Variants in HS3ST4 observed in about 807,000 individuals in gnomAD.
HS3ST4 encodes the protein heparan sulfate glucosamine 3-O-sulfotransferase 4.
In HS3ST4, 17 loss-of-function variants were observed where a neutral mutation model predicts 29.2. That is an observed-to-expected ratio of 0.58 (90% CI 0.40 to 0.87). The LOEUF is 0.87. Ranked by LOEUF, HS3ST4 falls within the 40% of genes least tolerant of loss-of-function variation. HS3ST4 has a pLI of 0.00. For synonymous variants in HS3ST4, 314 were observed against 285.7 expected, an observed-to-expected ratio of 1.10 and a Z score of -1.00; for missense variants, 627 against 634.5, an observed-to-expected ratio of 0.99 and a Z score of 0.13.
intron 1 of HS3ST4, among the ~76,000 whole-genome samples, chr16:26,067,551 T>G (rs1898556794): frequency 6.7e-6 from 1 of 150,198 alleles, no homozygotes; most frequent in South Asian, 2.2e-4. Flanking sequence ...CTGTTTTCTC[T>G]TTTGTAACTT....
chr16:25,842,591 T>C (rs1346691638), intron 1 of HS3ST4, among the ~76,000 whole-genome samples: 1 of 152,166 alleles, frequency 6.6e-6, no homozygotes, highest in Non-Finnish European at 1.5e-5. Flanking sequence ...AACCCTGAAA[T>C]CTTTCTTTGT....
chr16:25,707,703 T>C (rs1010536245), intron 1 of HS3ST4, among the ~76,000 whole-genome samples: 11 of 152,226 alleles, frequency 7.2e-5, no homozygotes, highest in Admixed American at 6.5e-4. Flanking sequence ...TCAGTTGCCT[T>C]ATTTTCTTTG....
intron 1 of HS3ST4, among the ~76,000 whole-genome samples, chr16:26,111,216 C>A (rs1899124653): frequency 6.6e-6 from 1 of 151,828 alleles, no homozygotes; most frequent in African/African-American, 2.4e-5. Context: ...GTAGCTGAGA[C>A]TACAGGTGTA....
chr16:25,947,405 T>A (rs1968638055), intron 1 of HS3ST4, among the ~76,000 whole-genome samples: 1 of 152,194 alleles, frequency 6.6e-6, no homozygotes, highest in Non-Finnish European at 1.5e-5. Flanking sequence ...CAAATCTCAA[T>A]GGCCCACAAC....
chr16:25,735,442 G>T (rs1189707068), intron 1 of HS3ST4, among the ~76,000 whole-genome samples: 1 of 151,746 alleles, frequency 6.6e-6, no homozygotes, highest in East Asian at 1.9e-4. Flanking sequence ...AGGCTAGAGT[G>T]CAGTGGTGCA....
At chr16:25,984,661 C>A (rs1969043869) in intron 1 of HS3ST4, among the ~76,000 whole-genome samples, 1 of 152,176 alleles carries the variant, frequency 6.6e-6, no homozygotes, top group African/African-American at 2.4e-5. Flanking sequence ...TGAAAACATG[C>A]AGGAACTTTC....
intron 1 of HS3ST4, among the ~76,000 whole-genome samples, chr16:26,066,905 G>A (rs1277213123): frequency 6.6e-6 from 1 of 152,180 alleles, no homozygotes; most frequent in Non-Finnish European, 1.5e-5. Flanking sequence ...TTCCTGTGGG[G>A]TTGTGTAGGC....
chr16:25,806,697 G>A (rs1966994318), intron 1 of HS3ST4, among the ~76,000 whole-genome samples: 1 of 152,072 alleles, frequency 6.6e-6, no homozygotes, highest in Non-Finnish European at 1.5e-5. Context: ...TCCTCATGCA[G>A]TTTTTCCCTA....
intron 1 of HS3ST4, among the ~76,000 whole-genome samples, chr16:25,951,961 C>T (rs1014006165): frequency 1.3e-5 from 2 of 150,834 alleles, no homozygotes; most frequent in Non-Finnish European, 2.9e-5. Flanking sequence ...CACATGTACC[C>T]TGGAACTTAA....
At chr16:25,921,766 T>G (rs530394008) in intron 1 of HS3ST4, among the ~76,000 whole-genome samples, 2 of 151,794 alleles carry the variant, frequency 1.3e-5, no homozygotes, top group African/African-American at 4.8e-5. Context: ...TTTCTTTTTT[T>G]TTTTTTGAGA....
chr16:26,001,203 C>T (rs1353907424), intron 1 of HS3ST4, among the ~76,000 whole-genome samples: 1 of 151,972 alleles, frequency 6.6e-6, no homozygotes, highest in Non-Finnish European at 1.5e-5. Flanking sequence ...TTAAATTCAA[C>T]AAAGAGGATA....
At chr16:25,715,530 TAATACTC>T (rs1379109273) in intron 1 of HS3ST4, among the ~76,000 whole-genome samples, 1 of 152,200 alleles carries the variant, frequency 6.6e-6, no homozygotes, top group East Asian at 1.9e-4. Context: ...GTTATCAAAA[TAATACTC>T]AATGCTCCTT....
chr16:25,878,717 C>G (rs1967860452), intron 1 of HS3ST4, among the ~76,000 whole-genome samples: 2 of 152,142 alleles, frequency 1.3e-5, no homozygotes, highest in South Asian at 4.1e-4. Flanking sequence ...CCTTCCACAC[C>G]AGCTGCTGGA....
chr16:25,935,586 A>T (rs1309627382), intron 1 of HS3ST4, among the ~76,000 whole-genome samples: 2 of 152,102 alleles, frequency 1.3e-5, no homozygotes, highest in African/African-American at 2.4e-5. Context: ...GCATTTTCAG[A>T]TTGGCTTCTC....
intron 1 of HS3ST4, among the ~76,000 whole-genome samples, chr16:25,714,844 T>A (rs1443922457): frequency 6.6e-6 from 1 of 152,224 alleles, no homozygotes; most frequent in African/African-American, 2.4e-5. Context: ...GTTTCCATCC[T>A]TTTACAAACA....
chr16:26,093,812 G>C (rs1898888211), intron 1 of HS3ST4, among the ~76,000 whole-genome samples: 1 of 152,026 alleles, frequency 6.6e-6, no homozygotes, highest in African/African-American at 2.4e-5. Flanking sequence ...TAACAAACTT[G>C]TCCAAGCTAA....
chr16:25,878,300 G>A (rs2141662859), intron 1 of HS3ST4, among the ~76,000 whole-genome samples: 1 of 152,222 alleles, frequency 6.6e-6, no homozygotes, highest in East Asian at 1.9e-4. Context: ...GATCTTCCAG[G>A]TCTTCCAGTG....
chr16:26,072,487 T>TAA (rs1898613852), intron 1 of HS3ST4, among the ~76,000 whole-genome samples: 2 of 152,150 alleles, frequency 1.3e-5, no homozygotes, highest in African/African-American at 2.4e-5. Context: ...GTGGTCTCAG[T>TAA]CTTAGAAATT....
At chr16:25,800,586 A>G (rs889955850) in intron 1 of HS3ST4, among the ~76,000 whole-genome samples, 10 of 152,288 alleles carry the variant, frequency 6.6e-5, no homozygotes, top group Admixed American at 3.3e-4. Flanking sequence ...ATGATTATAA[A>G]CAATTTAGTG....
Sources: gnomAD v4.1 joint callset for allele counts (sites outside exome capture counted in the v4.1 genomes callset) on GRCh38, gnomAD v4.1.1 for gene constraint, MANE v1.5 for transcripts, NCBI Gene and HGNC (gene_info 2026-07-23, HGNC 2026-07-21) for gene names.